The following COLQ variants were observed in gnomAD, a reference collection of about 807,000 sequenced individuals.
COLQ encodes collagen like tail subunit of asymmetric acetylcholinesterase.
A neutral mutation model predicts 69.0 loss-of-function variants in COLQ; 48 were observed. That is an observed-to-expected ratio of 0.70 (90% confidence interval 0.55 to 0.88). The LOEUF is 0.88. Among genes scored for constraint, COLQ ranks in the 40% least tolerant of loss-of-function variants. The probability of loss-of-function intolerance (pLI) is 0.00; values close to 1 mark genes in which losing one functional copy is unlikely to be tolerated. For synonymous variants in COLQ, 217 were observed against 211.2 expected, an observed-to-expected ratio of 1.03 and a Z score of -0.24; for missense variants, 618 against 594.6, an observed-to-expected ratio of 1.04 and a Z score of -0.41.
chr3:15,516,723 G>GC (rs2063068162), intron 1 of COLQ, among the ~76,000 whole-genome samples: 1 of 152,220 alleles, frequency 6.6e-6, no homozygotes, highest in African/African-American at 2.4e-5. Flanking sequence ...CCATTAAAAT[G>GC]CAAGAACCAT....
chr3:15,499,611 CA>C (rs2062804231), intron 1 of COLQ, among the ~76,000 whole-genome samples: 1 of 152,224 alleles, frequency 6.6e-6, no homozygotes, highest in African/African-American at 2.4e-5. Context: ...CCAAGCCCTG[CA>C]CTATAACCTT....
chr3:15,479,127 G>T, intron 4 of COLQ, 124 bp from the exon 5 acceptor site: 1 of 1,285,858 alleles, frequency 7.8e-7, no homozygotes, highest in Non-Finnish European at 1.1e-6. Flanking sequence ...GCTGCTCACG[G>T]CCCCTCTGCC....
Position 15,451,400 on chromosome 3 carries a change from TG to T in COLQ, c.*243del, listed in dbSNP as rs916490967. 3.4e-5 allele frequency: 22 copies of T among 653,288 alleles called. No homozygotes were observed. The highest frequency in any genetic ancestry group is 2.8e-4 in the Admixed American group (12 of 42,578). The allele number at this position is 653,288 out of a possible 1,614,324, so 40.5% of individuals were successfully genotyped here. Reference sequence around the variant, plus strand: ...CGGTTGTTTGGCCAAATGGTAGCGATGGGGAACAGGTCTCAGGTTGGGCATG... The same window carrying T: ...CGGTTGTTTGGCCAAATGGTAGCGATGGGAACAGGTCTCAGGTTGGGCATG... On this transcript the variant is annotated 3_prime_UTR_variant, in exon 17 of 17. Transcript: ENST00000383788.
intron 15 of COLQ, 101 bp downstream of exon 15, chr3:15,455,798 A>G (rs1167604903): frequency 6.6e-7 from 1 of 1,524,094 alleles, no homozygotes; most frequent in Non-Finnish European, 9.0e-7. Context: ...CTCTGGCTCT[A>G]GAAAGGTCCC....
chr3:15,480,619 G>T (rs763548059), intron 3 of COLQ, among the ~76,000 whole-genome samples: 33 of 152,114 alleles, frequency 2.2e-4, no homozygotes, highest in Non-Finnish European at 4.1e-4. Context: ...CTTTGCTATT[G>T]TGAATAGTGC....
rs774415805 is a variant in COLQ at position 15,521,601 on chromosome 3, A to G, written c.25T>C (p.Leu9=). 6.2e-7 allele frequency: 1 copy of G among 1,614,124 alleles called. No individual in the cohort carries two copies. Among genetic ancestry groups the G allele is most frequent in the East Asian group, 2.2e-5 (1 of 44,892 alleles). The part of the protein sequence containing the change: MVVLNPMT[L]GIYLQLFFLS... ...AAGAAAAGCTGAAGATAAATTCCCA[A>G]AGTCATTGGATTCAGGACAACCATG... Residue 9 remains leucine (L), a synonymous_variant, in exon 1 of 17, where the codon TTG becomes CTG. Transcript: ENST00000383788.
chr3:15,521,542 G>T lies in COLQ; in HGVS notation c.84C>A (p.Asn28Lys). ...LSIVSQPTFI[N>K]SVLPISAALP... The stretch of plus-strand genomic sequence containing the variant: ...TACCTGCTGAGATTGGAAGAACGCT[G>T]TTGATGAAAGTCGGCTGAGACACGA... The change falls in exon 1 of 17, where the codon AAC becomes AAA. Residue 28 changes from asparagine to lysine, a missense_variant. Physicochemically the swap from Asn to Lys is moderately conservative, Grantham distance 94. Transcript: ENST00000383788. The T allele has an allele frequency of 6.2e-7, 1 of 1,614,194 alleles. No homozygotes were observed.
At chr3:15,470,053 TAATC>T (rs756823687) in intron 11 of COLQ, among the ~76,000 whole-genome samples, 1 of 152,214 alleles carries the variant, frequency 6.6e-6, no homozygotes, top group Non-Finnish European at 1.5e-5. Context: ...TTAAGCATGT[TAATC>T]AACCCAAGAA....
chr3:15,496,824 T>C (rs2062752996), intron 1 of COLQ, among the ~76,000 whole-genome samples: 1 of 152,206 alleles, frequency 6.6e-6, no homozygotes. Flanking sequence ...AAGGAGACTT[T>C]CTCTTGTTTC....
chr3:15,500,396 C>T (rs576468190), intron 1 of COLQ, among the ~76,000 whole-genome samples: 23 of 152,324 alleles, frequency 1.5e-4, no homozygotes, highest in African/African-American at 5.3e-4. Context: ...TTTCATTTCG[C>T]AAACCTTCAG....
In COLQ at chr3:15,502,113, A is replaced by ATT. The variant is rs61521157; in HGVS notation, c.107-12478_107-12477dup. On this transcript the variant is annotated intron_variant, in intron 1 of 16. Transcript: ENST00000383788. ...CTATCTCATCTGCTAACTTGCACTGATTTTTTTTTTTTTTTTTTTGAGATG... is the reference window on the plus strand; with the variant it reads ...CTATCTCATCTGCTAACTTGCACTGATTTTTTTTTTTTTTTTTTTTTGAGATG... Among the ~76,000 whole-genome samples the ATT allele has an allele frequency of 6.0e-3, 766 of 128,510 alleles. 15 individuals are homozygous for ATT. The highest frequency in any genetic ancestry group is 9.3e-3 in the Non-Finnish European group (574 of 61,788). The allele number at this position is 128,510 out of a possible 152,430, so 84.3% of individuals were successfully genotyped here. A position where few individuals can be genotyped will look rare whatever the true frequency, so the allele number is the denominator to read the frequency against.
rs762298520 is a variant in COLQ, at chr3:15,456,586, G to A, written c.955-7C>T. ...GGTTGTTGACCACAAAAATCTGCCA[G>A]AGAACACACTGGTGAGGATTCCAGA... On this transcript the variant is annotated splice_region_variant and splice_polypyrimidine_tract_variant and intron_variant, in intron 13 of 16. Coordinates refer to ENST00000383788, the MANE Select transcript of COLQ (RefSeq NM_005677.4). The A allele has an allele frequency of 1.9e-6, 3 of 1,613,936 alleles. No individual in the cohort carries two copies. In the South Asian group the frequency reaches 3.3e-5, roughly 18 times the overall value.
At position 15,483,758 on chromosome 3, in the gene COLQ, T is replaced by G. The variant is rs534988559; in HGVS notation, c.322-4376A>C. Among the ~76,000 whole-genome samples the G allele has an allele frequency of 3.3e-5, 5 of 152,336 alleles. No homozygotes were observed. The East Asian group carries it at 7.7e-4, about 24-fold the overall frequency. On this transcript the variant is annotated intron_variant, in intron 3 of 16. Transcript: ENST00000383788. The stretch of plus-strand genomic sequence containing the variant: ...TTGGTGCAGAGCTGAGTTCAAGTCC[T>G]GGATATCCTTGTTAACTTTCTGTCT...
Position 15,473,264 on chromosome 3 carries a change from G to A in COLQ, c.636+736C>T, listed in dbSNP as rs79498406. 0.056 allele frequency among the ~76,000 whole-genome samples: 8,448 copies of A among 152,090 alleles called. 327 individuals are homozygous for A. Among genetic ancestry groups the A allele is most frequent in the East Asian group, 0.11 (565 of 5,174 alleles). ...ACTCCTGGGCTCAGGCCACCCTCCC[G>A]CCTCACCTTCCTAAGTATCTGGCAC... On this transcript the variant is annotated intron_variant, in intron 10 of 16. Coordinates refer to ENST00000383788, the MANE Select transcript of COLQ (RefSeq NM_005677.4). The surrounding 1 kb of genome is among the most constrained non-coding windows in gnomAD (Gnocchi z 4.0).
intron 12 of COLQ, 87 bp from the exon 13 acceptor site, chr3:15,458,412 A>G: frequency 6.8e-7 from 1 of 1,480,564 alleles, no homozygotes; most frequent in Non-Finnish European, 9.4e-7. Flanking sequence ...TTGCAACAGA[A>G]AAAAGGTTAA....
chr3:15,488,952 G>A (rs1010420858), intron 2 of COLQ, among the ~76,000 whole-genome samples: 4 of 152,162 alleles, frequency 2.6e-5, no homozygotes, highest in Non-Finnish European at 5.9e-5. Flanking sequence ...CAGAGCGTTG[G>A]GAAAGAGCTG....
chr3:15,509,910 C>T (rs375326201), intron 1 of COLQ, among the ~76,000 whole-genome samples: 3 of 152,130 alleles, frequency 2.0e-5, no homozygotes, highest in African/African-American at 7.2e-5. Flanking sequence ...CGGTGGCTCA[C>T]GCCTGTAATC....
chr3:15,521,610 G>T lies in COLQ; in HGVS notation c.16C>A (p.Pro6Thr). 2 of 1,614,186 alleles carry T rather than the reference G, an allele frequency of 1.2e-6. No homozygotes were observed. The highest frequency in any genetic ancestry group is 1.7e-6 in the Non-Finnish European group (2 of 1,180,038). MVVLN[P>T]MTLGIYLQLF... ...TGAAGATAAATTCCCAAAGTCATTG[G>T]ATTCAGGACAACCATGCTGGCCAGG... The change falls in exon 1 of 17, where the codon CCA (proline) becomes ACA (threonine). Residue 6 changes from proline to threonine, a missense_variant. Coordinates refer to ENST00000383788, the MANE Select transcript of COLQ (RefSeq NM_005677.4).
chr3:15,502,116 T>G (rs1315664561), intron 1 of COLQ, among the ~76,000 whole-genome samples: 1 of 121,146 alleles, frequency 8.3e-6, no homozygotes, highest in East Asian at 4.3e-4. Flanking sequence ...TGCACTGATT[T>G]TTTTTTTTTT....
Sources: gnomAD v4.1 joint callset for allele counts (sites outside exome capture counted in the v4.1 genomes callset) on GRCh38, gnomAD v4.1.1 for gene constraint, Gnocchi (gnomAD v3.1) non-coding constraint, MANE v1.5 for transcripts, NCBI Gene and HGNC (gene_info 2026-07-23, HGNC 2026-07-21) for gene names.